The following CDC16 variants were observed in gnomAD, a reference collection of about 807,000 sequenced individuals.
CDC16 encodes cell division cycle 16.
Under a neutral mutation model 87.0 loss-of-function variants are expected in CDC16, and 34 were observed. The observed-to-expected ratio is 0.39, with a 90% CI of 0.30 to 0.52. CDC16 has a LOEUF of 0.52. Among genes scored for constraint, CDC16 ranks in the 20% least tolerant of loss-of-function variants. The pLI, the probability that CDC16 is intolerant of heterozygous loss-of-function variation, is 0.74. For missense variants in CDC16, 653 were observed against 751.9 expected (o/e 0.87, Z 1.54); for synonymous variants, 263 against 260.6 (o/e 1.01, Z -0.09).
At chr13:114,238,901 T>C in intron 3 of CDC16, 89 bp from the exon 4 acceptor site, 5 of 1,460,478 alleles carry the variant, frequency 3.4e-6, no homozygotes, top group African/African-American at 1.4e-5. Context: ...AATTATGAAA[T>C]TAGTTCTATT....
intron 11 of CDC16, 142 bp downstream of exon 11, chr13:114,247,146 CTCTTTCTT>C (rs1310058923): frequency 1.6e-6 from 1 of 611,504 alleles, no homozygotes; most frequent in Non-Finnish European, 2.9e-6. Flanking sequence ...TTTTCTTTCT[CTCTTTCTT>C]TCTTGCCTTT....
Position 114,246,040 on chromosome 13 carries a change from TA to T in CDC16, c.889del (p.Ser297ValfsTer42). 1 of 1,464,934 alleles carries T rather than the reference TA, an allele frequency of 6.8e-7. No homozygotes were observed. The highest frequency in any genetic ancestry group is 9.4e-7 in the Non-Finnish European group (1 of 1,066,390). 90.7% of individuals were successfully genotyped at this position (1,464,934 alleles called of 1,614,324 possible). On this transcript the variant is annotated frameshift_variant, in exon 10 of 18. Coordinates refer to ENST00000356221, the MANE Select transcript of CDC16 (RefSeq NM_001078645.3). LOFTEE classifies it high-confidence loss of function. ...CTCATAAACTGGTGGATTTATATCC[TA>T]GTAATCCTGTAAGTAATATAACTTT... ...LSHKLVDLYP[S>X]NPVSWFAVGC...
chr13:114,241,620 A>G (rs1346904757), intron 5 of CDC16, among the ~76,000 whole-genome samples: 1 of 152,232 alleles, frequency 6.6e-6, no homozygotes, highest in Non-Finnish European at 1.5e-5. Context: ...GTTGAAGCCC[A>G]GGGAAGGTGA....
rs1452830926 is a variant in CDC16, at chr13:114,250,536, T to G, written c.972-13T>G. On this transcript the variant is annotated splice_polypyrimidine_tract_variant and intron_variant, in intron 11 of 17. Transcript: ENST00000356221. ...TAAATACTATATGACTTAAATTAACTCTTTTGTTTTAGCAAAGCCACAACA... is the reference window on the plus strand; with the variant it reads ...TAAATACTATATGACTTAAATTAACGCTTTTGTTTTAGCAAAGCCACAACA... 6.2e-7 allele frequency: 1 copy of G among 1,601,272 alleles called. No individual in the cohort carries two copies. Among genetic ancestry groups the G allele is most frequent in the South Asian group, 1.1e-5 (1 of 90,522 alleles).
Position 114,256,598 on chromosome 13 carries a change from A to G in CDC16, c.1098-480A>G, listed in dbSNP as rs778472172. Among the ~76,000 whole-genome samples the G allele has an allele frequency of 1.7e-4, 26 of 152,256 alleles. 1 individual carries two copies. The highest frequency in any genetic ancestry group is 3.3e-4 in the Admixed American group (5 of 15,282). On this transcript the variant is annotated intron_variant, in intron 12 of 17. Coordinates refer to ENST00000356221, the MANE Select transcript of CDC16 (RefSeq NM_001078645.3). ...TGAATCAATACACAGGGCATTATTC[A>G]TAACTCTTCTGCATAGAACTGATTA...
intron 17 of CDC16, 85 bp from the exon 18 acceptor site, chr13:114,272,095 TTAAA>T (rs1332500835): frequency 1.3e-6 from 1 of 741,528 alleles, no homozygotes; most frequent in Non-Finnish European, 2.2e-6. Context: ...ATAATCTGAC[TTAAA>T]TGATAAGAGA....
chr13:114,271,876 C>T (rs1311650837), intron 17 of CDC16, among the ~76,000 whole-genome samples: 1 of 152,182 alleles, frequency 6.6e-6, no homozygotes, highest in Non-Finnish European at 1.5e-5. Context: ...ACTGTTGAAA[C>T]ACTGGAGCTG....
In CDC16 at chr13:114,251,157, C is replaced by T. The variant is rs368169770; in HGVS notation, c.1097+483C>T. 7.9e-5 allele frequency among the ~76,000 whole-genome samples: 12 copies of T among 152,134 alleles called. No individual in the cohort carries two copies. The East Asian group carries it at 9.6e-4, about 12-fold the overall frequency. On this transcript the variant is annotated intron_variant, in intron 12 of 17. Transcript: ENST00000356221. Reference sequence around the variant, plus strand: ...CACATTGACTGTTTGGTCTCACCATCGGTTACAACTTACAGGGTTGGTTTG... The same window carrying T: ...CACATTGACTGTTTGGTCTCACCATTGGTTACAACTTACAGGGTTGGTTTG...
intron 14 of CDC16, 94 bp from the exon 15 acceptor site, chr13:114,261,793 G>C: frequency 1.2e-6 from 1 of 805,564 alleles, no homozygotes; most frequent in South Asian, 1.8e-5. Flanking sequence ...CTGGGAGAGA[G>C]CCCAGCTTGC....
chr13:114,238,877 A>T, intron 3 of CDC16, 113 bp from the exon 4 acceptor site: 1 of 1,357,480 alleles, frequency 7.4e-7, no homozygotes, highest in South Asian at 1.5e-5. Flanking sequence ...TTTAACTGCA[A>T]GAGTAAAAGG....
chr13:114,250,335 A>G (rs1276447539), intron 11 of CDC16, among the ~76,000 whole-genome samples: 1 of 152,108 alleles, frequency 6.6e-6, no homozygotes, highest in African/African-American at 2.4e-5. Flanking sequence ...TCTACTGTGA[A>G]TACAAAATTA....
chr13:114,263,861 A>G (rs1420001851), intron 16 of CDC16, among the ~76,000 whole-genome samples: 4 of 152,214 alleles, frequency 2.6e-5, no homozygotes, highest in East Asian at 1.9e-4. Flanking sequence ...TGTGCTGCCA[A>G]CATAACCACC....
In CDC16 at chr13:114,257,157, C is replaced by G; in HGVS notation, c.1177C>G (p.Gln393Glu). Residue 393 changes from glutamine (Q) to glutamate (E), a missense_variant, in exon 13 of 18, where the codon CAA (glutamine) becomes GAA (glutamate). Transcript: ENST00000356221. ...NSKLAERFFS[Q>E]ALSIAPEDPF... ...AAAACTAGCTGAAAGGTTCTTCAGC[C>G]AAGCTCTGAGCATTGCACCGGAAGA... 1 of 1,612,670 alleles carries G rather than the reference C, an allele frequency of 6.2e-7. No homozygotes were observed.
At chr13:114,237,336 C>T (rs750550967) in intron 3 of CDC16, among the ~76,000 whole-genome samples, 4 of 152,038 alleles carry the variant, frequency 2.6e-5, no homozygotes, top group Non-Finnish European at 4.4e-5. Flanking sequence ...CTGTGTCACC[C>T]AGGAGTGCAG....
intron 1 of CDC16, among the ~76,000 whole-genome samples, chr13:114,236,164 C>G (rs1008487284): frequency 6.6e-6 from 1 of 152,152 alleles, no homozygotes; most frequent in African/African-American, 2.4e-5. Flanking sequence ...TTCAGTGAAG[C>G]TTAGTTAATT....
intron 4 of CDC16, 42 bp downstream of exon 4, chr13:114,239,070 A>T: frequency 6.2e-7 from 1 of 1,601,090 alleles, no homozygotes; most frequent in Non-Finnish European, 8.5e-7. Flanking sequence ...GTTGAATAAA[A>T]TGAGTGTTAT....
chr13:114,259,293 C>T lies in CDC16; in HGVS notation c.1251-42C>T, dbSNP rs1479963126. The T allele has an allele frequency of 2.1e-6, 3 of 1,456,838 alleles. No individual in the cohort carries two copies. In the East Asian group the frequency reaches 7.2e-5, roughly 35 times the overall value. The allele number at this position is 1,456,838 out of a possible 1,614,324, so 90.2% of individuals were successfully genotyped here. On this transcript the variant is annotated intron_variant, in intron 13 of 17. Coordinates refer to ENST00000356221, the MANE Select transcript of CDC16 (RefSeq NM_001078645.3). ...AAAATTTTTTTAAAGTTTATATTTG[C>T]TAATTTCGAATAATCTGCAACCTTT...
intron 13 of CDC16, among the ~76,000 whole-genome samples, chr13:114,258,039 C>T (rs1158389166): frequency 6.6e-6 from 1 of 152,150 alleles, no homozygotes; most frequent in African/African-American, 2.4e-5. Flanking sequence ...CCTGCCTCAG[C>T]CTCCCAAAGT....
chr13:114,243,782 C>A, intron 7 of CDC16, 74 bp from the exon 8 acceptor site: 1 of 1,307,124 alleles, frequency 7.7e-7, no homozygotes, highest in Non-Finnish European at 1.1e-6. Context: ...CCACTTGGGC[C>A]AAACACAAAT....
Sources: gnomAD v4.1 joint callset for allele counts (sites outside exome capture counted in the v4.1 genomes callset) on GRCh38, gnomAD v4.1.1 for gene constraint, MANE v1.5 for transcripts, NCBI Gene and HGNC (gene_info 2026-07-23, HGNC 2026-07-21) for gene names.